LINC00305: variants seen among roughly 807,000 people sequenced by gnomAD.
LINC00305 encodes the protein long independently transcribed non-coding RNA 305.
chr18:64,089,116 T>G (rs1273023346), intron 3 of LINC00305, among the ~76,000 whole-genome samples: 1 of 152,118 alleles, frequency 6.6e-6, no homozygotes. Flanking sequence ...TCAAATCTCA[T>G]CTTGAATCGT....
At chr18:64,098,519 G>T (rs1183187734) in intron 2 of LINC00305, 1 of 434,910 alleles carries the variant, frequency 2.3e-6, no homozygotes, top group Non-Finnish European at 4.5e-6. Context: ...CTATAAATAG[G>T]GTTAATTTTT....
chr18:64,129,736 A>G (rs1019956623), intron 1 of LINC00305, among the ~76,000 whole-genome samples: 4 of 152,078 alleles, frequency 2.6e-5, no homozygotes, highest in African/African-American at 7.2e-5. Flanking sequence ...GCCTTATGTG[A>G]TATTTACTTA....
chr18:64,122,125 A>G (rs2051364608), intron 1 of LINC00305, among the ~76,000 whole-genome samples: 1 of 152,070 alleles, frequency 6.6e-6, no homozygotes, highest in Admixed American at 6.6e-5. Flanking sequence ...ATTTTCTCCC[A>G]TTCTGTAGAT....
At chr18:64,103,190 C>A (rs1486902938) in intron 1 of LINC00305, among the ~76,000 whole-genome samples, 1 of 152,154 alleles carries the variant, frequency 6.6e-6, no homozygotes, top group African/African-American at 2.4e-5. Flanking sequence ...ATACATTTGT[C>A]CACGTGTGTC....
At chr18:64,131,688 T>A (rs756446565) in intron 1 of LINC00305, among the ~76,000 whole-genome samples, 1 of 152,202 alleles carries the variant, frequency 6.6e-6, no homozygotes, top group African/African-American at 2.4e-5. Flanking sequence ...TGGTAATTTA[T>A]AGATGAGGAG....
chr18:64,088,106 C>G (rs1387998505), intron 3 of LINC00305, among the ~76,000 whole-genome samples: 1 of 151,626 alleles, frequency 6.6e-6, no homozygotes, highest in East Asian at 1.9e-4. Context: ...CACCACTGCA[C>G]TCCAGCCTGG....
At chr18:64,122,033 C>T (rs1226391774) in intron 1 of LINC00305, among the ~76,000 whole-genome samples, 1 of 151,700 alleles carries the variant, frequency 6.6e-6, no homozygotes, top group Non-Finnish European at 1.5e-5. Context: ...AATGGGATTA[C>T]TTCTTTGATT....
At chr18:64,084,954 A>G (rs960783200) in intron 3 of LINC00305, among the ~76,000 whole-genome samples, 6 of 152,250 alleles carry the variant, frequency 3.9e-5, no homozygotes, top group African/African-American at 1.4e-4. Context: ...TGTTTGGAAA[A>G]GAGTATGAGA....
intron 1 of LINC00305, among the ~76,000 whole-genome samples, chr18:64,136,906 C>CATGAGG (rs58284383): frequency 1 from 152,090 of 152,224 alleles, 75,979 homozygotes; most frequent in South Asian, 1. Context: ...TTACGTAAGA[C>CATGAGG]ATGAAGGATA....
intron 1 of LINC00305, among the ~76,000 whole-genome samples, chr18:64,143,668 GTATACATATGTATGT>G (rs1384023380): frequency 4.2e-5 from 6 of 143,380 alleles, no homozygotes; most frequent in African/African-American, 1.7e-4. Context: ...CACGTATTAT[GTATACATATGTATGT>G]CCACATATTA....
At chr18:64,085,750 C>T (rs2051200910) in intron 3 of LINC00305, among the ~76,000 whole-genome samples, 2 of 152,326 alleles carry the variant, frequency 1.3e-5, no homozygotes, top group Admixed American at 6.5e-5. Flanking sequence ...CGTGAGCCAC[C>T]ACGCCCAGTT....
At chr18:64,086,991 G>A (rs1393952676) in intron 3 of LINC00305, among the ~76,000 whole-genome samples, 1 of 152,214 alleles carries the variant, frequency 6.6e-6, no homozygotes, top group Non-Finnish European at 1.5e-5. Context: ...AGAAGGGAAA[G>A]AGAGGGTCTA....
intron 3 of LINC00305, among the ~76,000 whole-genome samples, chr18:64,094,477 C>T (rs888712446): frequency 6.6e-6 from 1 of 152,136 alleles, no homozygotes; most frequent in African/African-American, 2.4e-5. Flanking sequence ...AGGGAAGATC[C>T]TCCAGGATGT....
chr18:64,122,851 T>C (rs1399314632), intron 1 of LINC00305, among the ~76,000 whole-genome samples: 3 of 152,028 alleles, frequency 2.0e-5, no homozygotes, highest in African/African-American at 7.2e-5. Flanking sequence ...TTGTTTGTTT[T>C]ATCTATGATT....
chr18:64,081,693 A>C (rs959568370), intron 3 of LINC00305, among the ~76,000 whole-genome samples: 2 of 152,224 alleles, frequency 1.3e-5, no homozygotes, highest in African/African-American at 4.8e-5. Flanking sequence ...AAAGAATTTG[A>C]GTAGTTAAGT....
chr18:64,091,672 A>G (rs1308089517), intron 3 of LINC00305, among the ~76,000 whole-genome samples: 20 of 152,184 alleles, frequency 1.3e-4, no homozygotes, highest in Admixed American at 1.2e-3. Context: ...TTGGTCTGCA[A>G]AGCTCAGGTG....
intron 1 of LINC00305, among the ~76,000 whole-genome samples, chr18:64,105,193 T>A (rs2051284938): frequency 6.6e-6 from 1 of 152,098 alleles, no homozygotes; most frequent in South Asian, 2.1e-4. Context: ...GGGTGTGGTG[T>A]CTCACGGCTG....
At chr18:64,144,129 C>T (rs1031079809) in intron 1 of LINC00305, among the ~76,000 whole-genome samples, 3 of 152,074 alleles carry the variant, frequency 2.0e-5, no homozygotes, top group Non-Finnish European at 2.9e-5. Context: ...AAGAAACTGG[C>T]CTTCTATTAA....
At chr18:64,113,838 A>G (rs2051325721) in intron 1 of LINC00305, among the ~76,000 whole-genome samples, 1 of 152,182 alleles carries the variant, frequency 6.6e-6, no homozygotes, top group Non-Finnish European at 1.5e-5. Context: ...GTTTCTTTGG[A>G]GGCTGACTCT....
Sources: allele counts gnomAD v4.1 joint callset (sites outside exome capture counted in the v4.1 genomes callset), GRCh38; gene constraint gnomAD v4.1.1; transcripts MANE v1.5; gene names NCBI Gene and HGNC (gene_info 2026-07-23, HGNC 2026-07-21).